The following EFCC1 variants were observed in gnomAD, a reference collection of about 807,000 sequenced individuals.
EFCC1 encodes the protein EF-hand and coiled-coil domain-containing protein 1.
Under a neutral mutation model 52.1 loss-of-function variants are expected in EFCC1, and 50 were observed. The observed-to-expected ratio is 0.96, with a 90% CI of 0.76 to 1.21. The LOEUF (loss-of-function observed/expected upper bound fraction) is 1.21, where lower values mean the gene tolerates loss of function less well. Ranked by LOEUF, EFCC1 falls within the 50% of genes most tolerant of loss-of-function variation. The probability of loss-of-function intolerance (pLI) is 0.00; values close to 1 mark genes in which losing one functional copy is unlikely to be tolerated. For synonymous variants in EFCC1, 399 were observed against 396.5 expected (o/e 1.01, Z -0.08); for missense variants, 837 against 867.3 (o/e 0.97, Z 0.44).
At chr3:129,028,314 C>A (rs887724867) in intron 2 of EFCC1, among the ~76,000 whole-genome samples, 1 of 151,938 alleles carries the variant, frequency 6.6e-6, no homozygotes, top group Non-Finnish European at 1.5e-5. Context: ...TAACTCCTGA[C>A]CTCAAGTGAT....
rs1452606388 is a variant in EFCC1, at chr3:129,004,017, A to C, written c.920A>C (p.Gln307Pro). ...HRVRELEALAQQVPGLQRWVR... is the reference protein window; with the variant it reads ...HRVRELEALAPQVPGLQRWVR... ...GTGCGAGAGCTGGAGGCGCTGGCGC[A>C]ACAGGTGCCCGGCTTGCAGCGCTGG... Residue 307 changes from glutamine (Q) to proline (P), a missense_variant, in exon 2 of 8, where the codon CAA (glutamine) becomes CCA (proline). By Grantham distance (76) the Gln-to-Pro change is moderately conservative (BLOSUM62 -1). Coordinates refer to ENST00000683648, the MANE Select transcript of EFCC1 (RefSeq NM_001377500.1). 6.6e-7 allele frequency: 1 copy of C among 1,508,266 alleles called. No homozygotes were observed. The highest frequency in any genetic ancestry group is 8.8e-7 in the Non-Finnish European group (1 of 1,135,530). 93.4% of individuals were successfully genotyped at this position (1,508,266 alleles called of 1,614,324 possible).
At chr3:129,004,389 A>G (rs1456866003) in intron 2 of EFCC1, among the ~76,000 whole-genome samples, 1 of 25,862 alleles carries the variant, frequency 3.9e-5, no homozygotes, top group South Asian at 1.2e-3. Flanking sequence ...CCACCCATCC[A>G]TCCACTCACC....
chr3:129,018,076 G>A (rs1409702568), intron 2 of EFCC1, among the ~76,000 whole-genome samples: 2 of 152,148 alleles, frequency 1.3e-5, no homozygotes, highest in Non-Finnish European at 2.9e-5. Context: ...CCCTCAGGGT[G>A]GTCTTTTTAT....
Position 129,001,904 on chromosome 3 carries a change from G to A in EFCC1, c.276G>A (p.Gly92=), listed in dbSNP as rs1330996652. Residue 92 remains glycine, a synonymous_variant, in exon 1 of 8, where the codon GGG becomes GGA. Coordinates refer to ENST00000683648, the MANE Select transcript of EFCC1 (RefSeq NM_001377500.1). ...CTGTGCTGGGGCTGCGCGCGGAGGG[G>A]GCCACCACGGCCGGGCAGGCAGCAG... The part of the protein sequence containing the change: ...LCAVLGLRAE[G]ATTAGQAAGD... 2.0e-6 allele frequency: 3 copies of A among 1,537,952 alleles called. No homozygotes were observed. The highest frequency in any genetic ancestry group is 2.6e-6 in the Non-Finnish European group (3 of 1,140,960).
chr3:129,027,031 C>T lies in EFCC1; in HGVS notation c.981-3672C>T, dbSNP rs191065596. 3.3e-5 allele frequency among the ~76,000 whole-genome samples: 5 copies of T among 152,318 alleles called. No individual in the cohort carries two copies. The East Asian group carries it at 7.7e-4, about 24-fold the overall frequency. On this transcript the variant is annotated intron_variant, in intron 2 of 7. Transcript: ENST00000683648. ...TGTTTCTTTTGCCGTCATCTTTGGG[C>T]TCTATCTGCAGCCCCCAAGCATCTC...
Position 129,001,361 on chromosome 3 carries a change from G to C in EFCC1, c.-268G>C, listed in dbSNP as rs572246543. On this transcript the variant is annotated 5_prime_UTR_variant, in exon 1 of 8. Coordinates refer to ENST00000683648, the MANE Select transcript of EFCC1 (RefSeq NM_001377500.1). ...GAGAGCGTGGGAGTCACGCGGAGAA[G>C]CCAGACCCAGACGCCGACCGGGCAC... Among the ~76,000 whole-genome samples the C allele has an allele frequency of 6.6e-6, 1 of 152,232 alleles. No individual in the cohort carries two copies. The highest frequency in any genetic ancestry group is 6.5e-5 in the Admixed American group (1 of 15,292).
chr3:129,029,991 C>T (rs148524640), intron 2 of EFCC1, among the ~76,000 whole-genome samples: 4 of 151,580 alleles, frequency 2.6e-5, no homozygotes, highest in Admixed American at 6.6e-5. Context: ...TCGAGACCAG[C>T]GGAAGCAACA....
chr3:129,035,607 G>T (rs1313556687), intron 5 of EFCC1, among the ~76,000 whole-genome samples: 2 of 152,244 alleles, frequency 1.3e-5, no homozygotes, highest in African/African-American at 4.8e-5. Context: ...AAACAAAGTT[G>T]AATGTCATTA....
intron 2 of EFCC1, among the ~76,000 whole-genome samples, chr3:129,024,641 G>A (rs1274869243): frequency 3.9e-5 from 6 of 152,154 alleles, no homozygotes; most frequent in Non-Finnish European, 7.4e-5. Context: ...TTGGTGCACC[G>A]TTCCAGGGAA....
chr3:129,032,671 C>A, intron 3 of EFCC1, 148 bp from the exon 4 acceptor site: 1 of 1,243,976 alleles, frequency 8.0e-7, no homozygotes, highest in Non-Finnish European at 1.1e-6. Context: ...CCTCACTGCA[C>A]AGGAGCCTGG....
intron 2 of EFCC1, among the ~76,000 whole-genome samples, chr3:129,016,540 G>A (rs191545105): frequency 1.3e-5 from 2 of 148,624 alleles, no homozygotes; most frequent in African/African-American, 2.5e-5. Flanking sequence ...AGCCGTGCCC[G>A]TGAGCTCCAC....
At chr3:129,018,580 A>G (rs940649971) in intron 2 of EFCC1, among the ~76,000 whole-genome samples, 6 of 152,194 alleles carry the variant, frequency 3.9e-5, no homozygotes, top group Admixed American at 3.3e-4. Flanking sequence ...CCTTTATGGC[A>G]TAAGTATGCC....
At chr3:129,021,621 T>C (rs1354682024) in intron 2 of EFCC1, among the ~76,000 whole-genome samples, 1 of 150,202 alleles carries the variant, frequency 6.7e-6, no homozygotes, top group East Asian at 2.0e-4. Context: ...CTTATGCTTG[T>C]ACTGTGAGTC....
chr3:129,039,901 A>AGC lies in EFCC1; in HGVS notation c.*54_*55dup, dbSNP rs1439173194. Reference sequence around the variant, plus strand: ...TGCTCAGCCTGACTGCCTTTGGACCAGCCTCCATGATCAGCCCAACCACTG... The same window carrying AGC: ...TGCTCAGCCTGACTGCCTTTGGACCAGCGCCTCCATGATCAGCCCAACCACTG... On this transcript the variant is annotated 3_prime_UTR_variant, in exon 8 of 8. Transcript: ENST00000683648. 2 of 1,538,388 alleles carry AGC rather than the reference A, an allele frequency of 1.3e-6. No individual in the cohort carries two copies. The highest frequency in any genetic ancestry group is 1.8e-6 in the Non-Finnish European group (2 of 1,137,284).
In EFCC1 at chr3:129,034,181, C is replaced by T. The variant is rs187600174; in HGVS notation, c.1304C>T (p.Ala435Val). 681 of 1,614,230 alleles carry T rather than the reference C, an allele frequency of 4.2e-4. 15 individuals are homozygous for T. In the East Asian group the frequency reaches 9.7e-3, roughly 23 times the overall value. The part of the protein sequence containing the change: ...SCRGRCDDQT[A>V]EKLMTYFGHF... Reference sequence around the variant, plus strand: ...TGCTGCAGGTGTGATGACCAGACGGCGGAGAAGCTCATGACTTACTTTGGT... The same window carrying T: ...TGCTGCAGGTGTGATGACCAGACGGTGGAGAAGCTCATGACTTACTTTGGT... Residue 435 changes from alanine (A) to valine (V), a missense_variant, in exon 5 of 8, where the codon GCG (alanine) becomes GTG (valine). Ala to Val is a moderately conservative substitution (Grantham distance 64). Transcript: ENST00000683648.
chr3:129,005,534 A>C (rs1945035268), intron 2 of EFCC1, among the ~76,000 whole-genome samples: 1 of 152,240 alleles, frequency 6.6e-6, no homozygotes, highest in Non-Finnish European at 1.5e-5. Flanking sequence ...AGGTGACAGA[A>C]GCAGATTTCA....
chr3:129,029,918 C>T (rs1310305696), intron 2 of EFCC1, among the ~76,000 whole-genome samples: 2 of 151,504 alleles, frequency 1.3e-5, no homozygotes, highest in Non-Finnish European at 2.9e-5. Context: ...GGTGCAGTGG[C>T]TCATGGCTGT....
At position 129,039,653 on chromosome 3, in the gene EFCC1, C is replaced by A. The variant is rs566650404; in HGVS notation, c.1664-59C>A. 3.3e-6 allele frequency: 5 copies of A among 1,519,712 alleles called. No individual in the cohort carries two copies. In the East Asian group the frequency reaches 9.8e-5, roughly 30 times the overall value. 94.1% of individuals were successfully genotyped at this position (1,519,712 alleles called of 1,614,324 possible). A position where few individuals can be genotyped will look rare whatever the true frequency, so the allele number is the denominator to read the frequency against. ...GGGTCTCAGGAAGGAGGGACAGTGG[C>A]TCTGTGGGTGAAGGTGAGCAGACTG... On this transcript the variant is annotated intron_variant, in intron 7 of 7. Coordinates refer to ENST00000683648, the MANE Select transcript of EFCC1 (RefSeq NM_001377500.1).
At chr3:129,021,314 G>A (rs942682008) in intron 2 of EFCC1, among the ~76,000 whole-genome samples, 1 of 152,200 alleles carries the variant, frequency 6.6e-6, no homozygotes, top group African/African-American at 2.4e-5. Context: ...CCAAGAATCC[G>A]ATGCTGTGTG....
Sources: allele counts gnomAD v4.1 joint callset (sites outside exome capture counted in the v4.1 genomes callset), GRCh38; gene constraint gnomAD v4.1.1; transcripts MANE v1.5; gene names NCBI Gene and HGNC (gene_info 2026-07-23, HGNC 2026-07-21).